CYP2S1: variants seen among roughly 807,000 people sequenced by gnomAD.
CYP2S1 encodes the protein cytochrome P450 2S1.
A neutral mutation model predicts 43.5 loss-of-function variants in CYP2S1; 32 were observed. The observed-to-expected ratio is 0.74, with a 90% CI of 0.56 to 0.99. The LOEUF (loss-of-function observed/expected upper bound fraction) is 0.99, where lower values mean the gene tolerates loss of function less well. Ranked by LOEUF, CYP2S1 falls within the 50% of genes least tolerant of loss-of-function variation. The pLI, the probability that CYP2S1 is intolerant of heterozygous loss-of-function variation, is 0.00. For missense variants in CYP2S1, 575 were observed against 673.9 expected, an observed-to-expected ratio of 0.85 and a Z score of 1.62; for synonymous variants, 283 against 302.9, an observed-to-expected ratio of 0.93 and a Z score of 0.68.
At chr19:41,205,763 T>C (rs1446301899) in intron 7 of CYP2S1, among the ~76,000 whole-genome samples, 195 bp from the exon 8 acceptor site, 1 of 151,942 alleles carries the variant, frequency 6.6e-6, no homozygotes, top group Non-Finnish European at 1.5e-5. Context: ...CTCAAATGCT[T>C]CTCTCACCTC....
chr19:41,206,184 TG>T (rs2033574359), intron 8 of CYP2S1, 85 bp downstream of exon 8: 3 of 1,608,224 alleles, frequency 1.9e-6, no homozygotes, highest in East Asian at 4.5e-5. Context: ...TTCTGCACCC[TG>T]GGCTTACTGT....
chr19:41,193,813 G>C (rs1000792142), intron 1 of CYP2S1: 1 of 192,786 alleles, frequency 5.2e-6, no homozygotes. Flanking sequence ...GAGCCATACA[G>C]GTGGGGCATG....
intron 2 of CYP2S1, among the ~76,000 whole-genome samples, chr19:41,195,604 G>C (rs1168996686): frequency 6.6e-6 from 1 of 152,042 alleles, no homozygotes; most frequent in Non-Finnish European, 1.5e-5. Flanking sequence ...TACCTGACCC[G>C]GCATGTTTGG....
chr19:41,203,942 A>C (rs1599715765), intron 7 of CYP2S1, among the ~76,000 whole-genome samples: 1 of 151,386 alleles, frequency 6.6e-6, no homozygotes, highest in African/African-American at 2.4e-5. Flanking sequence ...GCTCACTGCA[A>C]CCTCCGCCTC....
At chr19:41,197,751 C>G in intron 2 of CYP2S1, 28 bp from the exon 3 acceptor site, 3 of 1,610,438 alleles carry the variant, frequency 1.9e-6, no homozygotes, top group South Asian at 2.2e-5. Context: ...AGGGGCCGGT[C>G]CCTTTTTGAG....
chr19:41,205,364 T>C (rs796173817), intron 7 of CYP2S1, among the ~76,000 whole-genome samples: 9 of 71,210 alleles, frequency 1.3e-4, no homozygotes, highest in African/African-American at 7.0e-4. Context: ...CTTTCTTTCT[T>C]TCTTTCTTTC....
chr19:41,206,252 GCC>G, intron 8 of CYP2S1, 26 bp from the exon 9 acceptor site: 1 of 1,604,090 alleles, frequency 6.2e-7, no homozygotes, highest in Non-Finnish European at 8.5e-7. Context: ...TACTGACTCA[GCC>G]CTCTCTCTCT....
chr19:41,199,986 G>GA, intron 5 of CYP2S1, among the ~76,000 whole-genome samples: 1 of 142,816 alleles, frequency 7.0e-6, no homozygotes, highest in African/African-American at 2.6e-5. Context: ...AAAAAAAAAA[G>GA]AAAAAAAGAA....
chr19:41,205,899 G>A (rs954833029), intron 7 of CYP2S1, 59 bp from the exon 8 acceptor site: 12 of 1,584,232 alleles, frequency 7.6e-6, no homozygotes, highest in South Asian at 2.3e-5. Context: ...CTCCACACTC[G>A]AGGACCAAAT....
intron 2 of CYP2S1, among the ~76,000 whole-genome samples, chr19:41,194,922 C>T (rs1450025578): frequency 6.6e-6 from 1 of 152,108 alleles, no homozygotes; most frequent in African/African-American, 2.4e-5. Context: ...TCGAGACCAG[C>T]CTGGCCAACA....
At position 41,193,460 on chromosome 19, in the gene CYP2S1, G is replaced by C. The variant is rs1568398705; in HGVS notation, c.177+19G>C. ...CATGCGGGTAAGGGGCTCTGGGGAC[G>C]TCCTGGCTAGGGGTGGGAGGATTCC... On this transcript the variant is annotated intron_variant, in intron 1 of 8. Coordinates refer to ENST00000310054, the MANE Select transcript of CYP2S1 (RefSeq NM_030622.8). 7.0e-7 allele frequency: 1 copy of C among 1,420,268 alleles called. No homozygotes were observed. The highest frequency in any genetic ancestry group is 2.8e-5 in the East Asian group (1 of 35,158). 88.0% of individuals were successfully genotyped at this position (1,420,268 alleles called of 1,614,324 possible).
chr19:41,203,382 A>T (rs1199174019), intron 6 of CYP2S1, 68 bp from the exon 7 acceptor site: 3 of 1,463,840 alleles, frequency 2.0e-6, no homozygotes, highest in Non-Finnish European at 2.7e-6. Context: ...ATGCAAGCAG[A>T]TGGGCTTCTG....
At position 41,203,411 on chromosome 19, in the gene CYP2S1, C is replaced by CCTA. The variant is rs753643702; in HGVS notation, c.977-37_977-35dup. ...GCTTCTGAGAGGAGGATCCCTGGGCCCTACCCCCGTCTGACTCCTGCCCTC... is the reference window on the plus strand; with the variant it reads ...GCTTCTGAGAGGAGGATCCCTGGGCCCTACTACCCCCGTCTGACTCCTGCCCTC... On this transcript the variant is annotated intron_variant, in intron 6 of 8. Transcript: ENST00000310054. 19 of 1,538,510 alleles carry CCTA rather than the reference C, an allele frequency of 1.2e-5. No homozygotes were observed. In the East Asian group the frequency reaches 4.5e-4, roughly 36 times the overall value.
intron 7 of CYP2S1, 79 bp downstream of exon 7, chr19:41,203,716 T>G: frequency 7.3e-7 from 1 of 1,377,242 alleles, no homozygotes; most frequent in Non-Finnish European, 9.6e-7. Context: ...AGTGTCTCCC[T>G]GACTTTTTCT....
intron 2 of CYP2S1, among the ~76,000 whole-genome samples, chr19:41,195,463 A>G (rs1464130284): frequency 6.6e-6 from 1 of 150,616 alleles, no homozygotes; most frequent in Non-Finnish European, 1.5e-5. Flanking sequence ...ACACAGTCCC[A>G]GCCCAGAGTG....
chr19:41,198,812 A>G lies in CYP2S1; in HGVS notation c.758A>G (p.Gln253Arg), dbSNP rs771670778. 5.6e-6 allele frequency: 9 copies of G among 1,614,202 alleles called. No homozygotes were observed. Among genetic ancestry groups the G allele is most frequent in the Non-Finnish European group, 7.6e-6 (9 of 1,180,034 alleles). The change falls in exon 5 of 9, where the codon CAG becomes CGG. Residue 253 changes from glutamine (Q) to arginine (R), a missense_variant. Gln to Arg is a conservative substitution (Grantham distance 43). Transcript: ENST00000310054. The surrounding 1 kb of genome is among the most constrained non-coding windows in gnomAD (Gnocchi z 4.9). ...GCTGCCTTCACAGTCCGGCAGGTGCAGCAGCACCAGGGGAACCTGGATGCT... is the reference window on the plus strand; with the variant it reads ...GCTGCCTTCACAGTCCGGCAGGTGCGGCAGCACCAGGGGAACCTGGATGCT... ...TLAAFTVRQV[Q>R]QHQGNLDASG...
rs763009597 is a variant in CYP2S1, at chr19:41,198,450, C to A, written c.494-12C>A. 4.4e-5 allele frequency: 71 copies of A among 1,613,108 alleles called. No homozygotes were observed. The East Asian group carries it at 1.1e-3, about 24-fold the overall frequency. On this transcript the variant is annotated splice_polypyrimidine_tract_variant and intron_variant, in intron 3 of 8. Coordinates refer to ENST00000310054, the MANE Select transcript of CYP2S1 (RefSeq NM_030622.8). The surrounding 1 kb of genome is among the most constrained non-coding windows in gnomAD (Gnocchi z 4.9). ...CCATCACAGCCTACCTCCCTGCCCCCATTCCCCCCAGGACGCCCATTCGAT... is the reference window on the plus strand; with the variant it reads ...CCATCACAGCCTACCTCCCTGCCCCAATTCCCCCCAGGACGCCCATTCGAT...
chr19:41,200,521 C>T (rs769570631), intron 5 of CYP2S1, among the ~76,000 whole-genome samples: 4 of 152,118 alleles, frequency 2.6e-5, no homozygotes, highest in Non-Finnish European at 4.4e-5. Context: ...TACAGGTGCC[C>T]GTCACCACGC....
At chr19:41,203,428 C>G (rs1460667538) in intron 6 of CYP2S1, 22 bp from the exon 7 acceptor site, 2 of 1,575,522 alleles carry the variant, frequency 1.3e-6, no homozygotes, top group Non-Finnish European at 1.7e-6. Context: ...CCGTCTGACT[C>G]CTGCCCTCCT....
Sources: gnomAD v4.1 joint callset for allele counts (sites outside exome capture counted in the v4.1 genomes callset) on GRCh38, gnomAD v4.1.1 for gene constraint, Gnocchi (gnomAD v3.1) non-coding constraint, MANE v1.5 for transcripts, NCBI Gene and HGNC (gene_info 2026-07-23, HGNC 2026-07-21) for gene names.